CCSER1: variants seen among roughly 807,000 people sequenced by gnomAD.
CCSER1 encodes coiled-coil serine rich protein 1.
In CCSER1, 41 loss-of-function variants were observed where a neutral mutation model predicts 82.0. That is an observed-to-expected ratio of 0.50 (90% CI 0.39 to 0.65). The LOEUF (loss-of-function observed/expected upper bound fraction) is 0.65, where lower values mean the gene tolerates loss of function less well. Among genes scored for constraint, CCSER1 ranks in the 30% least tolerant of loss-of-function variants. CCSER1 has a pLI of 0.00. For missense variants in CCSER1, 1,119 were observed against 1,064.2 expected (o/e 1.05, Z -0.72); for synonymous variants, 414 against 383.9 (o/e 1.08, Z -0.92).
intron 5 of CCSER1, among the ~76,000 whole-genome samples, chr4:90,550,752 A>G (rs1382515520): frequency 6.6e-6 from 1 of 152,126 alleles, no homozygotes; most frequent in African/African-American, 2.4e-5. Context: ...CAGCAAAAAT[A>G]TATACGACTT....
intron 5 of CCSER1, among the ~76,000 whole-genome samples, chr4:90,610,452 T>A (rs1785319811): frequency 6.6e-6 from 1 of 152,114 alleles, no homozygotes; most frequent in Admixed American, 6.6e-5. Flanking sequence ...AGCTACTACT[T>A]CATGGTGATT....
At chr4:91,092,090 C>A (rs1349850994) in intron 10 of CCSER1, among the ~76,000 whole-genome samples, 1 of 152,136 alleles carries the variant, frequency 6.6e-6, no homozygotes, top group African/African-American at 2.4e-5. Flanking sequence ...TAGGAAGGGC[C>A]TGTATCCATT....
chr4:90,647,350 T>A (rs10014992), intron 6 of CCSER1, among the ~76,000 whole-genome samples: 3 of 152,024 alleles, frequency 2.0e-5, no homozygotes, highest in East Asian at 1.9e-4. Context: ...GTTGTTGTTG[T>A]TGTTTCTCAG....
intron 5 of CCSER1, among the ~76,000 whole-genome samples, chr4:90,496,618 C>G (rs1001455560): frequency 6.6e-6 from 1 of 152,114 alleles, no homozygotes; most frequent in Admixed American, 6.6e-5. Context: ...GTTTAATCAA[C>G]TATGATTCAT....
At chr4:91,589,685 A>C (rs1012576885) in intron 10 of CCSER1, among the ~76,000 whole-genome samples, 2 of 151,766 alleles carry the variant, frequency 1.3e-5, no homozygotes, top group South Asian at 2.1e-4. Flanking sequence ...CTAGCATATA[A>C]ATTTAACTTA....
chr4:90,195,062 T>C (rs1736343421), intron 1 of CCSER1, among the ~76,000 whole-genome samples: 1 of 152,136 alleles, frequency 6.6e-6, no homozygotes, highest in South Asian at 2.1e-4. Flanking sequence ...TTTATGGACA[T>C]TCCTGTCATA....
intron 3 of CCSER1, among the ~76,000 whole-genome samples, chr4:90,374,021 G>T (rs1747897616): frequency 6.6e-6 from 1 of 152,140 alleles, no homozygotes; most frequent in East Asian, 1.9e-4. Flanking sequence ...TTTTCCTTCT[G>T]ACCCAGGAGT....
intron 10 of CCSER1, among the ~76,000 whole-genome samples, chr4:91,128,644 G>A (rs887878993): frequency 1.8e-4 from 27 of 152,066 alleles, no homozygotes; most frequent in African/African-American, 6.5e-4. Context: ...AAAGAGCTCG[G>A]AGTGAGGAAA....
chr4:90,985,179 GT>G (rs1191030829), intron 9 of CCSER1, among the ~76,000 whole-genome samples: 1 of 151,660 alleles, frequency 6.6e-6, no homozygotes, highest in Non-Finnish European at 1.5e-5. Context: ...TAATAAGTGA[GT>G]TTTTGTTTGT....
chr4:91,121,472 T>C (rs1279866421), intron 10 of CCSER1, among the ~76,000 whole-genome samples: 1 of 151,606 alleles, frequency 6.6e-6, no homozygotes, highest in Admixed American at 6.6e-5. Context: ...AGTAGAAGTG[T>C]ATGGCCGTTA....
intron 10 of CCSER1, among the ~76,000 whole-genome samples, chr4:91,341,895 T>C (rs1463761099): frequency 6.6e-6 from 1 of 152,214 alleles, no homozygotes. Flanking sequence ...ATAAAGACTT[T>C]TACCAGGACT....
intron 8 of CCSER1, among the ~76,000 whole-genome samples, chr4:90,826,532 G>A (rs1483561538): frequency 2.6e-5 from 4 of 152,170 alleles, no homozygotes; most frequent in Non-Finnish European, 4.4e-5. Flanking sequence ...GACAGGTACT[G>A]TGAATGCTTT....
intron 3 of CCSER1, among the ~76,000 whole-genome samples, chr4:90,340,858 A>G (rs1262967372): frequency 2.0e-5 from 3 of 152,250 alleles, no homozygotes; most frequent in African/African-American, 7.2e-5. Context: ...GCATTTGTCA[A>G]AATGAGCAGT....
chr4:90,323,326 G>A (rs1438840065), intron 3 of CCSER1, among the ~76,000 whole-genome samples: 4 of 152,194 alleles, frequency 2.6e-5, no homozygotes, highest in Admixed American at 1.3e-4. Context: ...ATTTGCCCAA[G>A]GACTGAAGTT....
At chr4:90,337,035 A>AG (rs1279491166) in intron 3 of CCSER1, among the ~76,000 whole-genome samples, 1 of 152,184 alleles carries the variant, frequency 6.6e-6, no homozygotes, top group Admixed American at 6.5e-5. Flanking sequence ...AGTAGAAAAA[A>AG]CAGAACTTGC....
At chr4:90,562,059 G>A (rs1251169120) in intron 5 of CCSER1, among the ~76,000 whole-genome samples, 2 of 151,894 alleles carry the variant, frequency 1.3e-5, no homozygotes, top group East Asian at 1.9e-4. Flanking sequence ...GCATAGTGGC[G>A]AGTGCCTGTA....
At chr4:90,364,826 A>C (rs1357275574) in intron 3 of CCSER1, among the ~76,000 whole-genome samples, 1 of 152,004 alleles carries the variant, frequency 6.6e-6, no homozygotes, top group Non-Finnish European at 1.5e-5. Context: ...AAAAACATAA[A>C]AGAGAATCTT....
At chr4:90,761,490 C>T (rs1245689533) in intron 7 of CCSER1, among the ~76,000 whole-genome samples, 1 of 152,158 alleles carries the variant, frequency 6.6e-6, no homozygotes, top group Non-Finnish European at 1.5e-5. Flanking sequence ...TTTGCTCCCA[C>T]TTGTCCTAGT....
intron 9 of CCSER1, among the ~76,000 whole-genome samples, chr4:91,009,016 C>T (rs1431068234): frequency 6.6e-6 from 1 of 152,188 alleles, no homozygotes; most frequent in Non-Finnish European, 1.5e-5. Context: ...AATGGTAAGC[C>T]TTTAGCCTGA....
Sources: allele counts gnomAD v4.1 joint callset (sites outside exome capture counted in the v4.1 genomes callset), GRCh38; gene constraint gnomAD v4.1.1; transcripts MANE v1.5; gene names NCBI Gene and HGNC (gene_info 2026-07-23, HGNC 2026-07-21).